Variants in TRHDE observed in about 807,000 individuals in gnomAD.
The protein encoded by TRHDE is thyrotropin releasing hormone degrading enzyme, also known as thyrotropin-releasing hormone-degrading ectoenzyme.
TRHDE carries 72 observed loss-of-function variants against 125.7 expected under a neutral mutation model. That is an observed-to-expected ratio of 0.57 (90% CI 0.47 to 0.70). The LOEUF (loss-of-function observed/expected upper bound fraction) is 0.70. Among genes scored for constraint, TRHDE ranks in the 30% least tolerant of loss-of-function variants. The pLI is 0.00. For missense variants in TRHDE, 1,110 were observed against 1,327.1 expected (o/e 0.84, Z 2.54); for synonymous variants, 509 against 509.1 (o/e 1.00, Z 0.00).
At chr12:72,369,793 C>T (rs898661794) in intron 2 of TRHDE, among the ~76,000 whole-genome samples, 7 of 152,080 alleles carry the variant, frequency 4.6e-5, no homozygotes, top group African/African-American at 1.7e-4. Context: ...AGAAGCTCTG[C>T]AGAGGAAGAG....
rs773228539 is a variant in TRHDE, at chr12:72,212,341, A to G, written n.279+106589A>G. On this transcript the variant is annotated intron_variant and non_coding_transcript_variant, in intron 2 of 4. Transcript: ENST00000548156. ...TTTTAGATTTAATACCAGAAGTACA[A>G]GCAACCAAAGGAAAAAAAAAAGATA... 8.9e-4 allele frequency among the ~76,000 whole-genome samples: 135 copies of G among 152,114 alleles called. 1 individual carries two copies. The highest frequency in any genetic ancestry group is 4.3e-4 in the Non-Finnish European group (29 of 67,944).
At chr12:72,480,249 C>T (rs1484671810) in intron 5 of TRHDE, among the ~76,000 whole-genome samples, 2 of 150,550 alleles carry the variant, frequency 1.3e-5, no homozygotes, top group African/African-American at 2.5e-5. Flanking sequence ...CTGACTTCCA[C>T]AATGGTTGAA....
At chr12:72,191,476 G>C (rs1877338232) in intron 2 of TRHDE, among the ~76,000 whole-genome samples, 1 of 152,062 alleles carries the variant, frequency 6.6e-6, no homozygotes, top group Non-Finnish European at 1.5e-5. Flanking sequence ...TATGGATTTT[G>C]TTTTTTCTTT....
At chr12:72,239,994 G>A (rs964675036) in intron 2 of TRHDE, among the ~76,000 whole-genome samples, 3 of 152,030 alleles carry the variant, frequency 2.0e-5, no homozygotes, top group Non-Finnish European at 4.4e-5. Flanking sequence ...TAGAATTTTT[G>A]TATAGTTTTA....
At chr12:72,279,481 G>A (rs1304561917) in intron 1 of TRHDE, among the ~76,000 whole-genome samples, 2 of 151,928 alleles carry the variant, frequency 1.3e-5, no homozygotes, top group Non-Finnish European at 2.9e-5. Context: ...CTTCTACCAG[G>A]GTTTTTCAAA....
intron 2 of TRHDE, among the ~76,000 whole-genome samples, chr12:72,215,109 C>G (rs529212793): frequency 2.1e-4 from 32 of 150,948 alleles, no homozygotes; most frequent in African/African-American, 7.1e-4. Context: ...AGAGAGTCAG[C>G]GAAGGGAGAT....
chr12:72,444,675 T>G (rs1016032515), intron 3 of TRHDE, among the ~76,000 whole-genome samples: 1 of 151,862 alleles, frequency 6.6e-6, no homozygotes, highest in African/African-American at 2.4e-5. Context: ...AATAATTTAA[T>G]AAGATTAAAT....
chr12:72,168,888 A>T (rs928117353), intron 2 of TRHDE, among the ~76,000 whole-genome samples: 2 of 152,114 alleles, frequency 1.3e-5, no homozygotes, highest in Admixed American at 1.3e-4. Flanking sequence ...GAGTTTCTTT[A>T]CTAATTTTGA....
intron 2 of TRHDE, among the ~76,000 whole-genome samples, chr12:72,247,393 T>C (rs1038919021): frequency 6.6e-6 from 1 of 152,158 alleles, no homozygotes; most frequent in Non-Finnish European, 1.5e-5. Context: ...TTTGACATCA[T>C]AGATTCCCTG....
chr12:72,237,158 G>A (rs1436104051), intron 2 of TRHDE, among the ~76,000 whole-genome samples: 2 of 152,054 alleles, frequency 1.3e-5, no homozygotes, highest in African/African-American at 4.8e-5. Context: ...CAGCTTGTGA[G>A]ATATTATCAT....
intron 2 of TRHDE, among the ~76,000 whole-genome samples, chr12:72,365,131 A>G (rs1054502283): frequency 2.6e-5 from 4 of 152,106 alleles, no homozygotes; most frequent in African/African-American, 9.7e-5. Context: ...TGTTAGAGTT[A>G]AAAATAATAA....
intron 2 of TRHDE, among the ~76,000 whole-genome samples, chr12:72,326,108 T>A (rs765906893): frequency 5.9e-5 from 9 of 152,080 alleles, no homozygotes; most frequent in Non-Finnish European, 1.2e-4. Context: ...TCCATGTTCA[T>A]GAGAAAAAAA....
At chr12:72,430,568 A>T (rs896076717) in intron 3 of TRHDE, among the ~76,000 whole-genome samples, 2 of 151,368 alleles carry the variant, frequency 1.3e-5, no homozygotes, top group Non-Finnish European at 3.0e-5. Flanking sequence ...TGAAAAAATT[A>T]ATTTACCATA....
At chr12:72,508,656 T>G (rs539377158) in intron 6 of TRHDE, among the ~76,000 whole-genome samples, 1 of 152,288 alleles carries the variant, frequency 6.6e-6, no homozygotes, top group African/African-American at 2.4e-5. Context: ...GATTGTGGAC[T>G]TTTGAGTTAA....
chr12:72,403,109 C>T (rs1350712597), intron 3 of TRHDE, among the ~76,000 whole-genome samples: 1 of 152,132 alleles, frequency 6.6e-6, no homozygotes, highest in Admixed American at 6.5e-5. Context: ...CCAACACACT[C>T]GCATACATAC....
intron 2 of TRHDE, chr12:72,262,551 C>T (rs1454998094): frequency 1.3e-5 from 2 of 152,266 alleles, no homozygotes; most frequent in East Asian, 3.9e-4. Flanking sequence ...TGCAAGTTAG[C>T]ATAGTGATAA....
chr12:72,096,400 G>C (rs1223217136), intron 1 of TRHDE, among the ~76,000 whole-genome samples: 1 of 152,086 alleles, frequency 6.6e-6, no homozygotes, highest in South Asian at 2.1e-4. Flanking sequence ...TCAAGTTTGG[G>C]CAATTAGATT....
At chr12:72,558,010 A>G (rs1870001123) in intron 7 of TRHDE, among the ~76,000 whole-genome samples, 1 of 151,874 alleles carries the variant, frequency 6.6e-6, no homozygotes, top group Non-Finnish European at 1.5e-5. Flanking sequence ...TTTTAAATAC[A>G]TATATATGGA....
chr12:72,121,303 TC>T (rs1352090156), intron 2 of TRHDE, among the ~76,000 whole-genome samples: 4 of 152,208 alleles, frequency 2.6e-5, no homozygotes, highest in African/African-American at 9.7e-5. Context: ...GGAATTGCAG[TC>T]CTTGTGGCCT....
Sources: allele counts gnomAD v4.1 joint callset (sites outside exome capture counted in the v4.1 genomes callset), GRCh38; gene constraint gnomAD v4.1.1; transcripts MANE v1.5; gene names NCBI Gene and HGNC (gene_info 2026-07-23, HGNC 2026-07-21).